ADK: variants seen among roughly 807,000 people sequenced by gnomAD.
ADK encodes N6,N6-dimethyladenosine kinase.
Under a neutral mutation model 44.7 loss-of-function variants are expected in ADK, and 24 were observed. That is an observed-to-expected ratio of 0.54 (90% CI 0.39 to 0.76). The LOEUF is 0.76. Among genes scored for constraint, ADK ranks in the 30% least tolerant of loss-of-function variants. The pLI, the probability that ADK is intolerant of heterozygous loss-of-function variation, is 0.00. For missense variants in ADK, 321 were observed against 425.1 expected, an observed-to-expected ratio of 0.76 and a Z score of 2.15; for synonymous variants, 128 against 142.6, an observed-to-expected ratio of 0.90 and a Z score of 0.73.
chr10:74,299,075 A>G (rs1321170719), intron 3 of ADK, among the ~76,000 whole-genome samples: 2 of 152,262 alleles, frequency 1.3e-5, no homozygotes, highest in Non-Finnish European at 2.9e-5. Context: ...CTGAAAAATT[A>G]GCTTTCATGA....
At chr10:74,185,548 G>C (rs1591821364) in intron 1 of ADK, among the ~76,000 whole-genome samples, 1 of 147,858 alleles carries the variant, frequency 6.8e-6, no homozygotes, top group Non-Finnish European at 1.5e-5. Flanking sequence ...AAGCAGAGTC[G>C]TCGGCCGGGC....
At chr10:74,211,021 A>G (rs1236086550) in intron 2 of ADK, among the ~76,000 whole-genome samples, 1 of 152,030 alleles carries the variant, frequency 6.6e-6, no homozygotes, top group Admixed American at 6.6e-5. Context: ...AGTAGCTGAG[A>G]TTACAGGCAT....
intron 3 of ADK, among the ~76,000 whole-genome samples, chr10:74,300,289 TC>T (rs1272489324): frequency 2.3e-4 from 19 of 82,342 alleles, no homozygotes; most frequent in African/African-American, 9.4e-4. Context: ...CTTCCTTCCT[TC>T]CTTCCTTCCT....
chr10:74,606,143 A>G (rs1285344278), intron 9 of ADK, among the ~76,000 whole-genome samples: 12 of 151,476 alleles, frequency 7.9e-5, no homozygotes, highest in Admixed American at 7.9e-4. Context: ...TTTCTTCTTT[A>G]TTAGTCTAGC....
intron 9 of ADK, among the ~76,000 whole-genome samples, chr10:74,651,412 T>C (rs1406923084): frequency 1.3e-5 from 2 of 152,162 alleles, no homozygotes; most frequent in Non-Finnish European, 2.9e-5. Flanking sequence ...TACTCTCCTG[T>C]AGAATGGGAA....
intron 3 of ADK, among the ~76,000 whole-genome samples, chr10:74,298,932 G>A (rs1174766718): frequency 6.6e-6 from 1 of 151,968 alleles, no homozygotes; most frequent in Non-Finnish European, 1.5e-5. Context: ...AAACAAAAAA[G>A]TGAATTGAGG....
At chr10:74,663,927 C>T (rs751882685) in intron 9 of ADK, among the ~76,000 whole-genome samples, 30 of 152,226 alleles carry the variant, frequency 2.0e-4, no homozygotes, top group South Asian at 8.3e-4. Flanking sequence ...AAAGCATTTC[C>T]GGATTCTCAT....
At chr10:74,286,603 A>G (rs1336548086) in intron 3 of ADK, among the ~76,000 whole-genome samples, 1 of 152,220 alleles carries the variant, frequency 6.6e-6, no homozygotes, top group African/African-American at 2.4e-5. Context: ...AGTATTGACA[A>G]CAAGCTGATA....
chr10:74,288,348 G>T (rs1447777516), intron 3 of ADK, among the ~76,000 whole-genome samples: 1 of 152,084 alleles, frequency 6.6e-6, no homozygotes, highest in East Asian at 1.9e-4. Context: ...CTGTGTTGAT[G>T]TTAAAGAAAA....
At chr10:74,479,299 A>G (rs573607243) in intron 6 of ADK, among the ~76,000 whole-genome samples, 1 of 151,958 alleles carries the variant, frequency 6.6e-6, no homozygotes, top group African/African-American at 2.4e-5. Flanking sequence ...CCAGCCTCAC[A>G]TATCTTTATA....
intron 3 of ADK, among the ~76,000 whole-genome samples, chr10:74,258,637 T>G (rs1378845056): frequency 6.6e-6 from 1 of 152,142 alleles, no homozygotes; most frequent in Non-Finnish European, 1.5e-5. Flanking sequence ...AGCATTTTAT[T>G]TAGCTGGGAA....
intron 10 of ADK, among the ~76,000 whole-genome samples, chr10:74,685,993 G>A (rs1054714837): frequency 2.6e-5 from 4 of 151,834 alleles, no homozygotes; most frequent in Non-Finnish European, 5.9e-5. Flanking sequence ...GTGGTGTCTC[G>A]CTCTGTTGCT....
intron 5 of ADK, among the ~76,000 whole-genome samples, chr10:74,396,694 C>T (rs1036235726): frequency 4.0e-5 from 6 of 151,714 alleles, no homozygotes; most frequent in Non-Finnish European, 7.4e-5. Context: ...CAGCTCATGC[C>T]TGTAATCCCA....
chr10:74,285,028 A>G (rs1365333799), intron 3 of ADK, among the ~76,000 whole-genome samples: 2 of 152,230 alleles, frequency 1.3e-5, no homozygotes, highest in African/African-American at 4.8e-5. Context: ...TTTAAGTGCT[A>G]GGCACTTCAT....
intron 1 of ADK, among the ~76,000 whole-genome samples, chr10:74,180,211 A>T (rs536026026): frequency 9.1e-4 from 68 of 74,606 alleles, no homozygotes; most frequent in Middle Eastern, 8.9e-3. Context: ...TTTTCTTTTT[A>T]TTATTATTAT....
chr10:74,499,561 G>A lies in ADK; in HGVS notation c.556-25695G>A, dbSNP rs576040465. On this transcript the variant is annotated intron_variant, in intron 6 of 10. Coordinates refer to ENST00000539909, the MANE Select transcript of ADK (RefSeq NM_006721.4). The stretch of plus-strand genomic sequence containing the variant: ...AAATTAGCCAGGCGTGGTGGCGGGC[G>A]CCTGTAGTCCCAGCTGCTCAGGAGG... 1.8e-4 allele frequency among the ~76,000 whole-genome samples: 27 copies of A among 152,120 alleles called. No individual in the cohort carries two copies. The East Asian group carries it at 4.1e-3, about 23-fold the overall frequency.
At chr10:74,261,275 C>G (rs979389672) in intron 3 of ADK, among the ~76,000 whole-genome samples, 2 of 152,108 alleles carry the variant, frequency 1.3e-5, no homozygotes, top group Non-Finnish European at 2.9e-5. Context: ...TAATCTCCCC[C>G]CTCAGTGTTT....
intron 1 of ADK, among the ~76,000 whole-genome samples, chr10:74,186,349 G>A (rs546891067): frequency 4.0e-5 from 6 of 151,400 alleles, no homozygotes; most frequent in East Asian, 1.9e-4. Context: ...GGGCAAACAC[G>A]TCTCACTGCA....
At chr10:74,703,419 C>T (rs1429208547) in intron 10 of ADK, among the ~76,000 whole-genome samples, 1 of 151,840 alleles carries the variant, frequency 6.6e-6, no homozygotes, top group Non-Finnish European at 1.5e-5. Context: ...GGAGTTGAGG[C>T]TGCAGTGAGC....
Sources: gnomAD v4.1 joint callset for allele counts (sites outside exome capture counted in the v4.1 genomes callset) on GRCh38, gnomAD v4.1.1 for gene constraint, MANE v1.5 for transcripts, NCBI Gene and HGNC (gene_info 2026-07-23, HGNC 2026-07-21) for gene names.